The following PIEZO2 variants were observed in gnomAD, a reference collection of about 807,000 sequenced individuals.
PIEZO2 encodes the protein piezo type mechanosensitive ion channel component 2.
Under a neutral mutation model 337.3 loss-of-function variants are expected in PIEZO2, and 172 were observed. The observed-to-expected ratio is 0.51, with a 90% CI of 0.45 to 0.58. PIEZO2 has a LOEUF of 0.58. Ranked by LOEUF, PIEZO2 falls within the 20% of genes least tolerant of loss-of-function variation. PIEZO2 has a pLI of 0.00. For synonymous variants in PIEZO2, 1,251 were observed against 1,228.5 expected (o/e 1.02, Z -0.38); for missense variants, 3,028 against 3,391.3 (o/e 0.89, Z 2.66).
chr18:10,998,727 C>T (rs1402809975), intron 2 of PIEZO2, among the ~76,000 whole-genome samples: 2 of 151,502 alleles, frequency 1.3e-5, no homozygotes, highest in Non-Finnish European at 2.9e-5. Context: ...TATTAGAATG[C>T]CAACAGAATA....
rs370577821 is a variant in PIEZO2, at chr18:10,759,799, G to A, written c.3561C>T (p.Ile1187=). The A allele has an allele frequency of 2.0e-4, 311 of 1,537,352 alleles. No individual in the cohort carries two copies. Among genetic ancestry groups the A allele is most frequent in the Non-Finnish European group, 2.5e-4 (286 of 1,146,938 alleles). The change falls in exon 25 of 56, where the codon ATC becomes ATT. Residue 1187 remains isoleucine (I), a synonymous_variant. Transcript: ENST00000674853. The surrounding 1 kb of genome is among the most constrained non-coding windows in gnomAD (Gnocchi z 5.5). The stretch of plus-strand genomic sequence containing the variant: ...AGCAGTACTTGGGCCAGATCTCTGC[G>A]ATGGCTTTCCTTCTGCGTCTATATA... ...AVLYRRRRKA[I]AEIWPKYCCF...
rs1041866335 is a variant in PIEZO2 at position 11,048,317 on chromosome 18, G to C, written c.160+17810C>G. ...GTGACCCACAAGATTGAAAAGACCT[G>C]TCTTACGGTTACTCATGGCTCTGGG... is the stretch of plus-strand genomic sequence containing the variant. On this transcript the variant is annotated intron_variant, in intron 2 of 55. Transcript: ENST00000674853. This position sits in a 1 kb window ranked among gnomAD's most constrained non-coding sequence, Gnocchi z 4.5. Among the ~76,000 whole-genome samples, 1 of 152,172 alleles carries C rather than the reference G, an allele frequency of 6.6e-6. No individual in the cohort carries two copies. The highest frequency in any genetic ancestry group is 1.5e-5 in the Non-Finnish European group (1 of 68,040).
At position 10,682,037 on chromosome 18, in the gene PIEZO2, G is replaced by T; in HGVS notation, c.7686+67C>A. 1 of 1,424,822 alleles carries T rather than the reference G, an allele frequency of 7.0e-7. No individual in the cohort carries two copies. Among genetic ancestry groups the T allele is most frequent in the Non-Finnish European group, 9.4e-7 (1 of 1,069,198 alleles). The allele number at this position is 1,424,822 out of a possible 1,614,324, so 88.3% of individuals were successfully genotyped here. On this transcript the variant is annotated intron_variant, in intron 50 of 55. Transcript: ENST00000674853. The surrounding 1 kb of genome is among the most constrained non-coding windows in gnomAD (Gnocchi z 5.6). ...GCAGCCCATGACTAAACACCCTACA[G>T]ACAGCTATCATAAAGGAATGTGGCG... is the stretch of plus-strand genomic sequence containing the variant.
At chr18:10,780,288 C>T (rs759274956) in intron 18 of PIEZO2, 37 bp downstream of exon 18, 4 of 702,450 alleles carry the variant, frequency 5.7e-6, no homozygotes, top group Admixed American at 2.0e-5. Context: ...GAAATAGCTT[C>T]GAACAAAAAT....
rs1411420261 is a variant in PIEZO2, at chr18:11,101,740, G to GT, written c.65-35519dup. On this transcript the variant is annotated intron_variant, in intron 1 of 55. Transcript: ENST00000674853. This position sits in a 1 kb window ranked among gnomAD's most constrained non-coding sequence, Gnocchi z 4.4. The stretch of plus-strand genomic sequence containing the variant: ...ATGGTCATTTTTCTCTTAGGTTATT[G>GT]TTTTTTAAAAAATGCTAGATTGATA... Among the ~76,000 whole-genome samples, 3 of 152,110 alleles carry GT rather than the reference G, an allele frequency of 2.0e-5. No homozygotes were observed. Among genetic ancestry groups the GT allele is most frequent in the South Asian group, 2.1e-4 (1 of 4,832 alleles).
At chr18:10,911,847 C>A (rs560997493) in intron 3 of PIEZO2, among the ~76,000 whole-genome samples, 1 of 152,166 alleles carries the variant, frequency 6.6e-6, no homozygotes, top group East Asian at 1.9e-4. Flanking sequence ...AAGCATTAGG[C>A]CACGCCAATA....
chr18:11,040,237 C>CTAT (rs35017281), intron 2 of PIEZO2, among the ~76,000 whole-genome samples: 35,126 of 151,906 alleles, frequency 0.23, 5,005 homozygotes, highest in Non-Finnish European at 0.33. Context: ...GCTATTTCTT[C>CTAT]TATTATTATT....
Position 11,143,376 on chromosome 18 carries a change from A to G in PIEZO2, c.64+5149T>C, listed in dbSNP as rs74941521. Among the ~76,000 whole-genome samples, 252 of 152,346 alleles carry G rather than the reference A, an allele frequency of 1.7e-3. 1 individual carries two copies. The highest frequency in any genetic ancestry group is 5.4e-3 in the African/African-American group (226 of 41,580). The stretch of plus-strand genomic sequence containing the variant: ...TACAATTCACTGTTAGTAGCACAAG[A>G]ACCCAAAAGGAAAATGACATGTTAG... On this transcript the variant is annotated intron_variant, in intron 1 of 55. Transcript: ENST00000674853. The surrounding 1 kb of genome is among the most constrained non-coding windows in gnomAD (Gnocchi z 4.9).
Position 10,856,261 on chromosome 18 carries a change from G to A in PIEZO2, c.704-695C>T, listed in dbSNP as rs1452189627. 2.0e-5 allele frequency among the ~76,000 whole-genome samples: 3 copies of A among 152,118 alleles called. No individual in the cohort carries two copies. Among genetic ancestry groups the A allele is most frequent in the South Asian group, 2.1e-4 (1 of 4,822 alleles). On this transcript the variant is annotated intron_variant, in intron 6 of 55. Transcript: ENST00000674853. This position sits in a 1 kb window ranked among gnomAD's most constrained non-coding sequence, Gnocchi z 4.7. ...TAAAGCCATCACCTTAGGGCAAAAG[G>A]AGTCTGTTTTATTGGGCATTTTGAA... is the stretch of plus-strand genomic sequence containing the variant.
intron 30 of PIEZO2, 149 bp from the exon 31 acceptor site, chr18:10,744,380 G>A (rs904837730): frequency 1.2e-5 from 7 of 598,952 alleles, no homozygotes; most frequent in African/African-American, 1.9e-5. Flanking sequence ...AGTCAACAAG[G>A]CCCCTTCTAG....
intron 41 of PIEZO2, 84 bp downstream of exon 41, chr18:10,705,252 G>T (rs1598379991): frequency 1.4e-6 from 2 of 1,411,266 alleles, no homozygotes; most frequent in South Asian, 3.0e-5. Context: ...TTCTATATAT[G>T]AATTTTTCTG....
intron 2 of PIEZO2, among the ~76,000 whole-genome samples, chr18:11,012,598 A>T (rs2145664506): frequency 6.6e-6 from 1 of 152,276 alleles, no homozygotes; most frequent in East Asian, 1.9e-4. Context: ...ATTTTTTTTT[A>T]AACCCTCATT....
Position 10,673,634 on chromosome 18 carries a change from G to A in PIEZO2, c.8162-761C>T, listed in dbSNP as rs551433846. Among the ~76,000 whole-genome samples, 7 of 152,300 alleles carry A rather than the reference G, an allele frequency of 4.6e-5. No individual in the cohort carries two copies. The highest frequency in any genetic ancestry group is 3.9e-4 in the East Asian group (2 of 5,178). ...AGTTTAGGGTGAATGCAAAAGAGTTGTAAAAGATAGGGTAAAAAGCTTGTA... is the reference window on the plus strand; with the variant it reads ...AGTTTAGGGTGAATGCAAAAGAGTTATAAAAGATAGGGTAAAAAGCTTGTA... On this transcript the variant is annotated intron_variant, in intron 54 of 55. Coordinates refer to ENST00000674853, the MANE Select transcript of PIEZO2 (RefSeq NM_001378183.1). The surrounding 1 kb of genome is among the most constrained non-coding windows in gnomAD (Gnocchi z 4.8).
rs9964532 is a variant in PIEZO2, at chr18:10,824,722, A to G, written c.918-17448T>C. ...ACAAGTTGAAAACATACTACAGAGA[A>G]TTCTCTATACCCATTTTCCTCGACT... On this transcript the variant is annotated intron_variant, in intron 7 of 55. Coordinates refer to ENST00000674853, the MANE Select transcript of PIEZO2 (RefSeq NM_001378183.1). The surrounding 1 kb of genome is among the most constrained non-coding windows in gnomAD (Gnocchi z 4.4). Among the ~76,000 whole-genome samples the G allele has an allele frequency of 0.25, 38,132 of 152,062 alleles. 4,981 individuals are homozygous for G. Among genetic ancestry groups the G allele is most frequent in the Middle Eastern group, 0.34 (98 of 292 alleles).
intron 7 of PIEZO2, among the ~76,000 whole-genome samples, chr18:10,852,222 C>T (rs889971088): frequency 1.3e-5 from 2 of 152,150 alleles, no homozygotes; most frequent in South Asian, 2.1e-4. Context: ...AAGAGGCTCC[C>T]CAGTTTTACT....
In PIEZO2 at chr18:10,699,013, C is replaced by T. The variant is rs986812286; in HGVS notation, c.6606G>A (p.Glu2202=). ...SVESVHVTFP[E]QQTAVRRKRS... ...GCTTCCTCCGGACAGCTGTCTGCTGCTCCGGGAAGGTCACATGCACTGACT... is the reference window on the plus strand; with the variant it reads ...GCTTCCTCCGGACAGCTGTCTGCTGTTCCGGGAAGGTCACATGCACTGACT... The change falls in exon 44 of 56, where the codon GAG becomes GAA. Residue 2202 remains glutamate, a synonymous_variant. Transcript: ENST00000674853. 9 of 1,537,106 alleles carry T rather than the reference C, an allele frequency of 5.9e-6. No homozygotes were observed. Among genetic ancestry groups the T allele is most frequent in the Non-Finnish European group, 7.8e-6 (9 of 1,146,916 alleles).
In PIEZO2 at chr18:11,035,585, GCAGCTACCA is replaced by G. The variant is rs1343564270; in HGVS notation, c.160+30533_160+30541del. Among the ~76,000 whole-genome samples, 3 of 152,156 alleles carry G rather than the reference GCAGCTACCA, an allele frequency of 2.0e-5. No individual in the cohort carries two copies. The highest frequency in any genetic ancestry group is 4.4e-5 in the Non-Finnish European group (3 of 68,028). On this transcript the variant is annotated intron_variant, in intron 2 of 55. Coordinates refer to ENST00000674853, the MANE Select transcript of PIEZO2 (RefSeq NM_001378183.1). The surrounding 1 kb of genome is among the most constrained non-coding windows in gnomAD (Gnocchi z 4.3). ...GCAGGGGACACATGCAATTTACTTG[GCAGCTACCA>G]CACAAAGAGGATCTGCAGGCTAATT...
Position 11,125,186 on chromosome 18 carries a change from C to T in PIEZO2, c.64+23339G>A, listed in dbSNP as rs1410130125. Among the ~76,000 whole-genome samples the T allele has an allele frequency of 2.0e-5, 3 of 152,100 alleles. No individual in the cohort carries two copies. Among genetic ancestry groups the T allele is most frequent in the African/African-American group, 7.2e-5 (3 of 41,408 alleles). On this transcript the variant is annotated intron_variant, in intron 1 of 55. Transcript: ENST00000674853. The surrounding 1 kb of genome is among the most constrained non-coding windows in gnomAD (Gnocchi z 4.4). ...CACACACATGCACACATACAAAATA[C>T]ACACACCGTCTATCCTGCCAGGCAG...
At chr18:11,141,798 G>A (rs1306156264) in intron 1 of PIEZO2, among the ~76,000 whole-genome samples, 1 of 152,144 alleles carries the variant, frequency 6.6e-6, no homozygotes, top group Non-Finnish European at 1.5e-5. Flanking sequence ...ATACTGAGGC[G>A]ACAATAACCT....
Sources: gnomAD v4.1 joint callset for allele counts (sites outside exome capture counted in the v4.1 genomes callset) on GRCh38, gnomAD v4.1.1 for gene constraint, Gnocchi (gnomAD v3.1) non-coding constraint, MANE v1.5 for transcripts, NCBI Gene and HGNC (gene_info 2026-07-23, HGNC 2026-07-21) for gene names.